Variants in DIP2B observed in about 807,000 individuals in gnomAD.
The protein encoded by DIP2B is DIP2 acetate--CoA ligase B (putative), also known as disco-interacting protein 2 homolog B.
DIP2B carries 76 observed loss-of-function variants against 198.0 expected under a neutral mutation model. The observed-to-expected ratio is 0.38, with a 90% CI of 0.32 to 0.46. DIP2B has a LOEUF of 0.46. Among genes scored for constraint, DIP2B ranks in the 20% least tolerant of loss-of-function variants. DIP2B has a pLI of 0.99. For missense variants in DIP2B, 1,559 were observed against 1,978.4 expected (o/e 0.79, Z 4.02); for synonymous variants, 701 against 739.1 (o/e 0.95, Z 0.84).
intron 7 of DIP2B, among the ~76,000 whole-genome samples, chr12:50,677,459 A>G (rs1592123197): frequency 6.6e-6 from 1 of 152,088 alleles, no homozygotes. Flanking sequence ...TACTAAAAAT[A>G]CAAAAATTAG....
At chr12:50,648,806 G>C (rs75881182) in intron 3 of DIP2B, among the ~76,000 whole-genome samples, 2,032 of 151,506 alleles carry the variant, frequency 0.013, 50 homozygotes, top group African/African-American at 0.046. Context: ...AAATCAGTAA[G>C]AAGTGTAAGA....
At chr12:50,630,669 T>C (rs1277517015) in intron 2 of DIP2B, among the ~76,000 whole-genome samples, 39 of 139,448 alleles carry the variant, frequency 2.8e-4, no homozygotes, top group South Asian at 7.2e-4. Flanking sequence ...TTTTCTTTTT[T>C]TTTTTTTTTT....
At chr12:50,623,423 ACACACACACACACACTCTCTCTCTCT>A (rs779861391) in intron 1 of DIP2B, among the ~76,000 whole-genome samples, 7 of 112,596 alleles carry the variant, frequency 6.2e-5, no homozygotes, top group African/African-American at 1.1e-4. Context: ...ACACACACAC[ACACACACACACACACTCTCTCTCTCT>A]CTCTCTCTCT....
At chr12:50,633,718 A>C (rs1433391290) in intron 2 of DIP2B, among the ~76,000 whole-genome samples, 1 of 152,198 alleles carries the variant, frequency 6.6e-6, no homozygotes, top group Non-Finnish European at 1.5e-5. Flanking sequence ...GTGAGCCGTG[A>C]TTGTGCCACT....
chr12:50,581,833 T>G (rs1384263861), intron 1 of DIP2B, among the ~76,000 whole-genome samples: 1 of 152,202 alleles, frequency 6.6e-6, no homozygotes, highest in Non-Finnish European at 1.5e-5. Flanking sequence ...TGCAGCAGTT[T>G]CATGAGGTAT....
chr12:50,613,104 G>C (rs1959045413), intron 1 of DIP2B, among the ~76,000 whole-genome samples: 1 of 152,150 alleles, frequency 6.6e-6, no homozygotes, highest in African/African-American at 2.4e-5. Context: ...AAAGACCTTA[G>C]AGAGGCAGCA....
At chr12:50,514,112 C>A (rs1958042946) in intron 1 of DIP2B, among the ~76,000 whole-genome samples, 1 of 139,098 alleles carries the variant, frequency 7.2e-6, no homozygotes, top group African/African-American at 2.7e-5. Flanking sequence ...GTTGCTCAGG[C>A]TGGAGTGCAA....
chr12:50,601,277 A>G (rs1958933614), intron 1 of DIP2B, among the ~76,000 whole-genome samples: 1 of 152,056 alleles, frequency 6.6e-6, no homozygotes, highest in Non-Finnish European at 1.5e-5. Context: ...TGCGTGGAAC[A>G]TGATGACCAG....
intron 1 of DIP2B, among the ~76,000 whole-genome samples, chr12:50,521,101 T>G (rs980077253): frequency 6.7e-6 from 1 of 148,378 alleles, no homozygotes; most frequent in Admixed American, 6.7e-5. Context: ...ACAGTTTTTT[T>G]TTTTTTTTTT....
chr12:50,643,057 C>T (rs9788159), intron 3 of DIP2B, among the ~76,000 whole-genome samples: 44,384 of 146,150 alleles, frequency 0.3, 6,715 homozygotes, highest in East Asian at 0.45. Context: ...TGTGTGTGTG[C>T]GTTTTGTTTT....
chr12:50,595,274 G>A (rs1958868788), intron 1 of DIP2B, among the ~76,000 whole-genome samples: 1 of 152,122 alleles, frequency 6.6e-6, no homozygotes, highest in Non-Finnish European at 1.5e-5. Context: ...AGCTAGGAGA[G>A]TAAACTGGTA....
At chr12:50,541,128 A>G (rs920119372) in intron 1 of DIP2B, among the ~76,000 whole-genome samples, 1 of 152,192 alleles carries the variant, frequency 6.6e-6, no homozygotes, top group Non-Finnish European at 1.5e-5. Flanking sequence ...TAATAAATGT[A>G]GAAAGAATCA....
At chr12:50,538,456 G>T (rs973666286) in intron 1 of DIP2B, among the ~76,000 whole-genome samples, 1 of 151,950 alleles carries the variant, frequency 6.6e-6, no homozygotes, top group South Asian at 2.1e-4. Context: ...CCCCACCTCC[G>T]TGCCCAGTCC....
chr12:50,696,454 A>G (rs567698938), intron 16 of DIP2B, among the ~76,000 whole-genome samples: 1 of 152,304 alleles, frequency 6.6e-6, no homozygotes, highest in African/African-American at 2.4e-5. Flanking sequence ...TGATGGATCT[A>G]TAAGCTTTTA....
rs1006854230 is a variant in DIP2B at position 50,678,760 on chromosome 12, G to C, written c.998G>C (p.Cys333Ser). 6.2e-7 allele frequency: 1 copy of C among 1,614,216 alleles called. No individual in the cohort carries two copies. The highest frequency in any genetic ancestry group is 1.3e-5 in the African/African-American group (1 of 75,060). Reference sequence around the variant, plus strand: ...AAAGGAGAGCCTTTAGGAGTCATCTGTAACTGGCCTCCTGCTCTTGAATCT... The same window carrying C: ...AAAGGAGAGCCTTTAGGAGTCATCTCTAACTGGCCTCCTGCTCTTGAATCT... ...PVKGEPLGVI[C>S]NWPPALESAL... The change falls in exon 8 of 38, where the codon TGT becomes TCT. Residue 333 changes from cysteine to serine, a missense_variant. By Grantham distance (112) the Cys-to-Ser change is moderately radical. Coordinates refer to ENST00000301180, the MANE Select transcript of DIP2B (RefSeq NM_173602.3).
chr12:50,579,611 CAAAAAAAAAAAAAAAAAAAA>C (rs1160480924), intron 1 of DIP2B, among the ~76,000 whole-genome samples: 2 of 6,890 alleles, frequency 2.9e-4, no homozygotes, highest in African/African-American at 1.2e-3. Context: ...GACTCCGTCT[CAAAAAAAAAAAAAAAAAAAA>C]AAAAAAAAAA....
At chr12:50,513,682 T>C (rs1414333541) in intron 1 of DIP2B, among the ~76,000 whole-genome samples, 1 of 152,136 alleles carries the variant, frequency 6.6e-6, no homozygotes, top group African/African-American at 2.4e-5. Flanking sequence ...GAGACCAGCC[T>C]GGCTAACATG....
chr12:50,644,714 C>T (rs2684905), intron 3 of DIP2B, among the ~76,000 whole-genome samples: 145,747 of 152,282 alleles, frequency 0.96, 70,083 homozygotes, highest in East Asian at 1. Flanking sequence ...TGGCTTGATT[C>T]GTTTTGTAAT....
At position 50,680,135 on chromosome 12, in the gene DIP2B, T is replaced by A. The variant is rs562382554; in HGVS notation, c.1115-537T>A. ...TTAGCCGGATGTGGTGACACACACC[T>A]GTAGTCCCAGCTACTTGAGAGGCTG... On this transcript the variant is annotated intron_variant, in intron 8 of 37. Coordinates refer to ENST00000301180, the MANE Select transcript of DIP2B (RefSeq NM_173602.3). 2.0e-5 allele frequency: 3 copies of A among 152,442 alleles called. No individual in the cohort carries two copies. In the South Asian group the frequency reaches 6.2e-4, roughly 32 times the overall value. 9.4% of individuals were successfully genotyped at this position (152,442 alleles called of 1,614,324 possible). A position where few individuals can be genotyped will look rare whatever the true frequency, so the allele number is the denominator to read the frequency against.
Sources: allele counts gnomAD v4.1 joint callset (sites outside exome capture counted in the v4.1 genomes callset), GRCh38; gene constraint gnomAD v4.1.1; transcripts MANE v1.5; gene names NCBI Gene and HGNC (gene_info 2026-07-23, HGNC 2026-07-21).